The following TBC1D22A variants were observed in gnomAD, a reference collection of about 807,000 sequenced individuals.
TBC1D22A encodes TBC1 domain family member 22A, also known as putative GTPase activator.
Under a neutral mutation model 60.2 loss-of-function variants are expected in TBC1D22A, and 38 were observed. The ratio of observed to expected loss-of-function variants is 0.63; its 90% CI spans 0.49 to 0.83. TBC1D22A has a LOEUF of 0.83. Ranked by LOEUF, TBC1D22A falls within the 40% of genes least tolerant of loss-of-function variation. TBC1D22A has a pLI of 0.00. For synonymous variants in TBC1D22A, 302 were observed against 281.7 expected, an observed-to-expected ratio of 1.07 and a Z score of -0.72; for missense variants, 628 against 701.0, an observed-to-expected ratio of 0.90 and a Z score of 1.18.
At chr22:46,913,872 C>T (rs1333856343) in intron 8 of TBC1D22A, 9 of 582,192 alleles carry the variant, frequency 1.5e-5, no homozygotes, top group Non-Finnish European at 1.9e-5. Flanking sequence ...GATGAAGGGG[C>T]ATGACCACGA....
chr22:47,132,965 A>C (rs1163916663), intron 12 of TBC1D22A, among the ~76,000 whole-genome samples: 1 of 152,202 alleles, frequency 6.6e-6, no homozygotes, highest in Non-Finnish European at 1.5e-5. Context: ...CGAAGGGCTC[A>C]CTTGGATGTG....
At chr22:47,123,805 C>A (rs115937867) in intron 12 of TBC1D22A, among the ~76,000 whole-genome samples, 3 of 152,084 alleles carry the variant, frequency 2.0e-5, no homozygotes, top group South Asian at 4.1e-4. Flanking sequence ...CCTTTGTGTG[C>A]GGGTTGCTGC....
At chr22:46,939,849 A>G (rs539892131) in intron 8 of TBC1D22A, among the ~76,000 whole-genome samples, 4 of 152,258 alleles carry the variant, frequency 2.6e-5, no homozygotes, top group Non-Finnish European at 4.4e-5. Flanking sequence ...CAAAGCAGTG[A>G]CAAGAGGGGA....
At chr22:46,911,419 C>T (rs1405089165) in intron 7 of TBC1D22A, among the ~76,000 whole-genome samples, 1 of 152,180 alleles carries the variant, frequency 6.6e-6, no homozygotes, top group African/African-American at 2.4e-5. Context: ...CACTCATCTG[C>T]TCGCCTGCTC....
At chr22:47,036,201 C>A (rs140748847) in intron 10 of TBC1D22A, among the ~76,000 whole-genome samples, 1 of 152,098 alleles carries the variant, frequency 6.6e-6, no homozygotes, top group Non-Finnish European at 1.5e-5. Context: ...ATCCACTATC[C>A]GGCTCAATTG....
At chr22:46,913,829 C>T in intron 8 of TBC1D22A, 2 of 910,146 alleles carry the variant, frequency 2.2e-6, no homozygotes, top group Non-Finnish European at 1.3e-6. Context: ...CTAAGCGATT[C>T]TTAATGCATT....
At chr22:47,093,070 C>T (rs1238868181) in intron 11 of TBC1D22A, among the ~76,000 whole-genome samples, 1 of 152,188 alleles carries the variant, frequency 6.6e-6, no homozygotes, top group African/African-American at 2.4e-5. Flanking sequence ...AACTTAGTGG[C>T]AGCTCTGGCC....
chr22:47,077,036 C>T (rs1201779304), intron 11 of TBC1D22A, among the ~76,000 whole-genome samples: 3 of 152,212 alleles, frequency 2.0e-5, no homozygotes, highest in Admixed American at 2.0e-4. Flanking sequence ...GTACTTCTGC[C>T]TGCGTATTAT....
At chr22:46,921,212 G>A (rs549413604) in intron 8 of TBC1D22A, among the ~76,000 whole-genome samples, 33 of 152,276 alleles carry the variant, frequency 2.2e-4, no homozygotes, top group Non-Finnish European at 4.6e-4. Context: ...TACCCGAGAG[G>A]TAGTTTCTCG....
intron 11 of TBC1D22A, among the ~76,000 whole-genome samples, chr22:47,102,412 T>C (rs2147677657): frequency 6.6e-6 from 1 of 152,286 alleles, no homozygotes. Context: ...CGGTCCTGAG[T>C]GGGCTCTGGC....
chr22:46,971,280 G>A (rs990367298), intron 8 of TBC1D22A, among the ~76,000 whole-genome samples: 4 of 152,286 alleles, frequency 2.6e-5, no homozygotes, highest in South Asian at 4.1e-4. Flanking sequence ...CTGGCTCTGC[G>A]AGTCGGAGCT....
chr22:47,034,282 C>T (rs2062583425), intron 10 of TBC1D22A, among the ~76,000 whole-genome samples: 1 of 152,156 alleles, frequency 6.6e-6, no homozygotes, highest in Non-Finnish European at 1.5e-5. Flanking sequence ...GCCACTGGGA[C>T]CTGTCCTTCC....
intron 8 of TBC1D22A, among the ~76,000 whole-genome samples, chr22:46,951,462 C>T (rs909513855): frequency 6.6e-5 from 10 of 152,116 alleles, no homozygotes; most frequent in South Asian, 2.1e-4. Context: ...CAGGATTGCC[C>T]GGGGCAGTGA....
At chr22:46,924,652 G>A (rs994616646) in intron 8 of TBC1D22A, among the ~76,000 whole-genome samples, 5 of 152,038 alleles carry the variant, frequency 3.3e-5, no homozygotes, top group African/African-American at 7.2e-5. Flanking sequence ...GGCTGAGGCA[G>A]GAGAATTGCT....
At chr22:46,895,861 T>C (rs1443556668) in intron 7 of TBC1D22A, among the ~76,000 whole-genome samples, 2 of 152,188 alleles carry the variant, frequency 1.3e-5, no homozygotes, top group African/African-American at 4.8e-5. Context: ...ACAGGCAAGA[T>C]TTCTCTAAGG....
rs2074723549 is a variant in TBC1D22A at position 46,986,378 on chromosome 22, G to C, written c.1126-11256G>C. Among the ~76,000 whole-genome samples the C allele has an allele frequency of 2.0e-5, 3 of 149,912 alleles. No homozygotes were observed. The South Asian group carries it at 6.3e-4, about 32-fold the overall frequency. ...TTGGTCCTTTGCATTTTTATATAAA[G>C]TTTGCTTTTGCCACTTCCTACAAAA... On this transcript the variant is annotated intron_variant, in intron 9 of 12. Coordinates refer to ENST00000337137, the MANE Select transcript of TBC1D22A (RefSeq NM_014346.5).
intron 9 of TBC1D22A, among the ~76,000 whole-genome samples, chr22:46,995,527 G>A (rs2075092495): frequency 1.3e-5 from 2 of 152,110 alleles, no homozygotes; most frequent in Admixed American, 1.3e-4. Flanking sequence ...GTGTGTGTGT[G>A]TGTGTGAGAG....
chr22:47,148,480 G>T (rs535268398), intron 12 of TBC1D22A, among the ~76,000 whole-genome samples: 19 of 152,166 alleles, frequency 1.2e-4, no homozygotes, highest in Non-Finnish European at 2.2e-4. Flanking sequence ...ATGCCCACTC[G>T]GAATCGCTTG....
chr22:46,833,411 A>G (rs1221091846), intron 4 of TBC1D22A, among the ~76,000 whole-genome samples: 1 of 152,242 alleles, frequency 6.6e-6, no homozygotes, highest in African/African-American at 2.4e-5. Flanking sequence ...CAAGATCGGC[A>G]GTTAGAAACC....
Sources: gnomAD v4.1 joint callset for allele counts (sites outside exome capture counted in the v4.1 genomes callset) on GRCh38, gnomAD v4.1.1 for gene constraint, MANE v1.5 for transcripts, NCBI Gene and HGNC (gene_info 2026-07-23, HGNC 2026-07-21) for gene names.